SEMA7A: variants seen among roughly 807,000 people sequenced by gnomAD.
The protein encoded by SEMA7A is semaphorin 7A (JohnMiltonHagen blood group), also known as semaphorin-7A.
Under a neutral mutation model 67.5 loss-of-function variants are expected in SEMA7A, and 21 were observed. That is an observed-to-expected ratio of 0.31 (90% CI 0.22 to 0.45). The LOEUF is 0.45. SEMA7A is among the 20% of genes least tolerant of loss of function. The probability of loss-of-function intolerance (pLI) is 1.00; values close to 1 mark genes in which losing one functional copy is unlikely to be tolerated. For synonymous variants in SEMA7A, 364 were observed against 368.5 expected, an observed-to-expected ratio of 0.99 and a Z score of 0.14; for missense variants, 774 against 908.6, an observed-to-expected ratio of 0.85 and a Z score of 1.90.
chr15:74,414,585 C>T lies in SEMA7A; in HGVS notation c.1256G>A (p.Ser419Asn). ...AAGCACATGAAAGGTCTCCCCGTGG[C>T]TGGCTTGCATGCGGTGGACGGCCAC... ...QKVAVHRMQA[S>N]HGETFHVLYL... Residue 419 changes from serine to asparagine, a missense_variant, in exon 10 of 14, where the codon AGC becomes AAC. Physicochemically the swap from Ser to Asn is conservative, Grantham distance 46. Transcript: ENST00000261918. This position sits in a 1 kb window ranked among gnomAD's most constrained non-coding sequence, Gnocchi z 4.1. 6.2e-7 allele frequency: 1 copy of T among 1,614,256 alleles called. No homozygotes were observed. The highest frequency in any genetic ancestry group is 8.5e-7 in the Non-Finnish European group (1 of 1,180,052).
At position 74,411,561 on chromosome 15, in the gene SEMA7A, G is replaced by A. The variant is rs145844323; in HGVS notation, c.1572C>T (p.Ser524=). The change falls in exon 12 of 14, where the codon TCC becomes TCT. Residue 524 remains serine, a synonymous_variant. Transcript: ENST00000261918. The surrounding 1 kb of genome is among the most constrained non-coding windows in gnomAD (Gnocchi z 4.4). ...DQGRCISIYS[S]ERSVLQSINP... Reference sequence around the variant, plus strand: ...AGGGATCCCGGCCAACGTACCGTTCGGAGCTGTAGATGGAGATGCAGCGGC... The same window carrying A: ...AGGGATCCCGGCCAACGTACCGTTCAGAGCTGTAGATGGAGATGCAGCGGC... 67 of 1,569,306 alleles carry A rather than the reference G, an allele frequency of 4.3e-5. No homozygotes were observed. In the African/African-American group the frequency reaches 4.9e-4, roughly 11 times the overall value.
At chr15:74,422,633 T>G (rs1326978391) in intron 1 of SEMA7A, among the ~76,000 whole-genome samples, 1 of 152,158 alleles carries the variant, frequency 6.6e-6, no homozygotes, top group African/African-American at 2.4e-5. Flanking sequence ...CAAGGATGGC[T>G]GGGTTGTAGG....
chr15:74,414,632 G>A lies in SEMA7A; in HGVS notation c.1209C>T (p.His403=), dbSNP rs1434688785. The A allele has an allele frequency of 6.2e-7, 1 of 1,614,210 alleles. No homozygotes were observed. Among genetic ancestry groups the A allele is most frequent in the Admixed American group, 1.7e-5 (1 of 60,028 alleles). The change falls in exon 10 of 14, where the codon CAC becomes CAT. Residue 403 remains histidine, a synonymous_variant. Transcript: ENST00000261918. The surrounding 1 kb of genome is among the most constrained non-coding windows in gnomAD (Gnocchi z 4.1). ...CCACTTTCTGGTAGTGGTATTTAGA[G>A]TGGAACAATGGCGTCTTCAGAGGCC... ...PMGPLKTPLF[H]SKYHYQKVAV... is the part of the protein sequence containing the mutation.
In SEMA7A at chr15:74,410,877, A is replaced by G; in HGVS notation, c.1748T>C (p.Val583Ala). The G allele has an allele frequency of 6.2e-7, 1 of 1,614,202 alleles. No individual in the cohort carries two copies. Among genetic ancestry groups the G allele is most frequent in the Non-Finnish European group, 8.5e-7 (1 of 1,180,032 alleles). The part of the protein sequence containing the change: ...ATYSWRHKEN[V>A]EQSCEPGHQS... ...GTGACCAGGTTCGCAGCTCTGCTCC[A>G]CGTTCTCCTTGTGGCGCCATGAGTA... Residue 583 changes from valine to alanine, a missense_variant, in exon 14 of 14, where the codon GTG becomes GCG. Coordinates refer to ENST00000261918, the MANE Select transcript of SEMA7A (RefSeq NM_003612.5). The surrounding 1 kb of genome is among the most constrained non-coding windows in gnomAD (Gnocchi z 7.5).
chr15:74,416,012 C>T (rs1396707831), intron 7 of SEMA7A, 27 bp from the exon 8 acceptor site: 1 of 1,606,088 alleles, frequency 6.2e-7, no homozygotes, highest in Admixed American at 1.7e-5. Context: ...GAGAAGAGGC[C>T]CCTCAGCACC....
chr15:74,425,336 G>C (rs1310728547), intron 1 of SEMA7A, among the ~76,000 whole-genome samples: 5 of 152,220 alleles, frequency 3.3e-5, no homozygotes, highest in Admixed American at 3.3e-4. Flanking sequence ...CCATTTTGCA[G>C]ATGAGGACCA....
At chr15:74,416,356 C>T (rs565492091) in intron 7 of SEMA7A, among the ~76,000 whole-genome samples, 13 of 152,098 alleles carry the variant, frequency 8.5e-5, no homozygotes, top group African/African-American at 1.4e-4. Flanking sequence ...ATCATACACA[C>T]GCTCACACGC....
At chr15:74,416,070 A>C in intron 7 of SEMA7A, 85 bp from the exon 8 acceptor site, 26 of 1,381,408 alleles carry the variant, frequency 1.9e-5, no homozygotes, top group Non-Finnish European at 2.2e-5. Flanking sequence ...CAGCAATATC[A>C]ACACCTGGGC....
Position 74,410,622 on chromosome 15 carries a change from C to T in SEMA7A, c.*2G>A, listed in dbSNP as rs776899323. ...CTGAGGCATGCCCAGCCTCGGGAGG[C>T]CCTAGTGGACCAGCAAGCCAAGAGT... On this transcript the variant is annotated 3_prime_UTR_variant, in exon 14 of 14. Coordinates refer to ENST00000261918, the MANE Select transcript of SEMA7A (RefSeq NM_003612.5). The surrounding 1 kb of genome is among the most constrained non-coding windows in gnomAD (Gnocchi z 7.5). 6.3e-7 allele frequency: 1 copy of T among 1,579,752 alleles called. No individual in the cohort carries two copies. Among genetic ancestry groups the T allele is most frequent in the African/African-American group, 1.3e-5 (1 of 74,598 alleles).
In SEMA7A at chr15:74,414,529, C is replaced by T. The variant is rs773699900; in HGVS notation, c.1294+18G>A. Reference sequence around the variant, plus strand: ...CGTTTTTACAAAGCAAACTGAGGGTCCCGGGGTAGCCTCTCACCTGTAGTT... The same window carrying T: ...CGTTTTTACAAAGCAAACTGAGGGTTCCGGGGTAGCCTCTCACCTGTAGTT... On this transcript the variant is annotated intron_variant, in intron 10 of 13. Transcript: ENST00000261918. This position sits in a 1 kb window ranked among gnomAD's most constrained non-coding sequence, Gnocchi z 4.1. The T allele has an allele frequency of 6.2e-7, 1 of 1,612,180 alleles. No individual in the cohort carries two copies. Among genetic ancestry groups the T allele is most frequent in the African/African-American group, 1.3e-5 (1 of 74,874 alleles).
chr15:74,414,552 G>C lies in SEMA7A; in HGVS notation c.1289C>G (p.Thr430Ser). 1 of 1,614,194 alleles carries C rather than the reference G, an allele frequency of 6.2e-7. No individual in the cohort carries two copies. The highest frequency in any genetic ancestry group is 8.5e-7 in the Non-Finnish European group (1 of 1,180,000). ...GTCCCGGGGTAGCCTCTCACCTGTA[G>C]TTAGGTAAAGCACATGAAAGGTCTC... is the stretch of plus-strand genomic sequence containing the variant. ...HGETFHVLYL[T>S]TDRGTIHKVV... Residue 430 changes from threonine (T) to serine (S), a missense_variant, in exon 10 of 14, where the codon ACT (threonine) becomes AGT (serine). By Grantham distance (58) the Thr-to-Ser change is moderately conservative. This residue lies in a region of SEMA7A where 427 missense variants were observed against 555.4 expected (regional missense o/e 0.77). Coordinates refer to ENST00000261918, the MANE Select transcript of SEMA7A (RefSeq NM_003612.5). The surrounding 1 kb of genome is among the most constrained non-coding windows in gnomAD (Gnocchi z 4.1).
chr15:74,410,459 G>T lies in SEMA7A; in HGVS notation c.*165C>A. On this transcript the variant is annotated 3_prime_UTR_variant, in exon 14 of 14. Transcript: ENST00000261918. This position sits in a 1 kb window ranked among gnomAD's most constrained non-coding sequence, Gnocchi z 7.5. ...TCCGTGCGCCACCTGGGGCCCAGCAGCCGCCTGCGGCTGGACGTCTCCAGG... is the reference window on the plus strand; with the variant it reads ...TCCGTGCGCCACCTGGGGCCCAGCATCCGCCTGCGGCTGGACGTCTCCAGG... 1 of 1,064,680 alleles carries T rather than the reference G, an allele frequency of 9.4e-7. No individual in the cohort carries two copies. The highest frequency in any genetic ancestry group is 1.3e-6 in the Non-Finnish European group (1 of 753,898). 66.0% of individuals were successfully genotyped at this position (1,064,680 alleles called of 1,614,324 possible).
At chr15:74,430,695 GC>G (rs931984048) in intron 1 of SEMA7A, among the ~76,000 whole-genome samples, 2 of 152,270 alleles carry the variant, frequency 1.3e-5, no homozygotes, top group Admixed American at 1.3e-4. Context: ...CCGGGGAATT[GC>G]CCCCCCACCA....
At chr15:74,421,604 G>A (rs2061000746) in intron 1 of SEMA7A, among the ~76,000 whole-genome samples, 1 of 152,218 alleles carries the variant, frequency 6.6e-6, no homozygotes, top group Non-Finnish European at 1.5e-5. Flanking sequence ...CTCAGCCCCA[G>A]GACAAGGCCT....
At position 74,414,541 on chromosome 15, in the gene SEMA7A, T is replaced by C; in HGVS notation, c.1294+6A>G. 6.2e-7 allele frequency: 1 copy of C among 1,613,870 alleles called. No homozygotes were observed. On this transcript the variant is annotated splice_donor_region_variant and intron_variant, in intron 10 of 13. Transcript: ENST00000261918. This position sits in a 1 kb window ranked among gnomAD's most constrained non-coding sequence, Gnocchi z 4.1. ...GCAAACTGAGGGTCCCGGGGTAGCC[T>C]CTCACCTGTAGTTAGGTAAAGCACA...
rs927135022 is a variant in SEMA7A at position 74,410,563 on chromosome 15, T to C, written c.*61A>G. The C allele has an allele frequency of 1.7e-5, 26 of 1,520,206 alleles. 1 individual carries two copies. The highest frequency in any genetic ancestry group is 5.0e-4 in the Middle Eastern group (2 of 4,014). 94.2% of individuals were successfully genotyped at this position (1,520,206 alleles called of 1,614,324 possible). ...AGCTCCCGGGCCAGCCGGCTCTGAG[T>C]GTGAGACGTTCTAGTGCCCTGGGCT... On this transcript the variant is annotated 3_prime_UTR_variant, in exon 14 of 14. Coordinates refer to ENST00000261918, the MANE Select transcript of SEMA7A (RefSeq NM_003612.5). This position sits in a 1 kb window ranked among gnomAD's most constrained non-coding sequence, Gnocchi z 7.5.
chr15:74,416,035 C>T, intron 7 of SEMA7A, 50 bp from the exon 8 acceptor site: 3 of 1,565,554 alleles, frequency 1.9e-6, no homozygotes, highest in Non-Finnish European at 2.6e-6. Context: ...CCCGGGCTTC[C>T]CCACACACCC....
In SEMA7A at chr15:74,410,942, G is replaced by C. The variant is rs1362729952; in HGVS notation, c.1683C>G (p.Arg561=). 1 of 1,614,040 alleles carries C rather than the reference G, an allele frequency of 6.2e-7. No individual in the cohort carries two copies. The highest frequency in any genetic ancestry group is 1.1e-5 in the South Asian group (1 of 91,080). The change falls in exon 14 of 14, where the codon CGC becomes CGG. Residue 561 remains arginine (R), a synonymous_variant. Transcript: ENST00000261918. This position sits in a 1 kb window ranked among gnomAD's most constrained non-coding sequence, Gnocchi z 7.5. ...ATTCCATGGGGCAGCTCAGGTAGTAGCGAGAGTTTGGGGCCAGGGAAACCT... is the reference window on the plus strand; with the variant it reads ...ATTCCATGGGGCAGCTCAGGTAGTACCGAGAGTTTGGGGCCAGGGAAACCT... ...LQKVSLAPNS[R]YYLSCPMESR...
intron 10 of SEMA7A, among the ~76,000 whole-genome samples, chr15:74,412,991 C>T (rs912489163): frequency 1.3e-5 from 2 of 152,226 alleles, no homozygotes; most frequent in African/African-American, 4.8e-5. Flanking sequence ...TCCTACCTCA[C>T]CTGCTCTCCC....
Sources: gnomAD v4.1 joint callset for allele counts (sites outside exome capture counted in the v4.1 genomes callset) on GRCh38, gnomAD v4.1.1 for gene constraint, gnomAD v4.1.1 regional missense constraint, Gnocchi (gnomAD v3.1) non-coding constraint, MANE v1.5 for transcripts, NCBI Gene and HGNC (gene_info 2026-07-23, HGNC 2026-07-21) for gene names.